IPO13: variants seen among roughly 807,000 people sequenced by gnomAD.
The protein encoded by IPO13 is importin 13, also known as importin-13.
A neutral mutation model predicts 115.5 loss-of-function variants in IPO13; 28 were observed. The observed-to-expected ratio is 0.24, with a 90% confidence interval of 0.18 to 0.33. The LOEUF (loss-of-function observed/expected upper bound fraction) is 0.33. Ranked by LOEUF, IPO13 falls within the 10% of genes least tolerant of loss-of-function variation. The pLI is 1.00. For missense variants in IPO13, 785 were observed against 1,204.6 expected (o/e 0.65, Z 5.16); for synonymous variants, 414 against 478.9 (o/e 0.86, Z 1.77).
Position 43,958,367 on chromosome 1 carries a change from T to C in IPO13, c.1750-94T>C. The C allele has an allele frequency of 1.2e-6, 2 of 1,608,066 alleles. No individual in the cohort carries two copies. ...TGGCCTTCCCCTTCCTCTTATCCCT[T>C]ATTCTCTGTTTTTCTTCTCCCAAGA... On this transcript the variant is annotated intron_variant, in intron 9 of 19. Transcript: ENST00000372343. This position sits in a 1 kb window ranked among gnomAD's most constrained non-coding sequence, Gnocchi z 6.3.
chr1:43,964,036 G>A (rs758229813), intron 14 of IPO13, among the ~76,000 whole-genome samples: 12 of 152,364 alleles, frequency 7.9e-5, no homozygotes, highest in Non-Finnish European at 1.5e-4. Context: ...TGGGGAGTAG[G>A]CGGAAGGCCC....
chr1:43,962,076 C>T (rs1459665745), intron 14 of IPO13, among the ~76,000 whole-genome samples: 1 of 152,204 alleles, frequency 6.6e-6, no homozygotes, highest in African/African-American at 2.4e-5. Flanking sequence ...CACCAGGGGT[C>T]TCGGTTGGTG....
chr1:43,960,977 C>T lies in IPO13; in HGVS notation c.2211C>T (p.Thr737=), dbSNP rs781285457. Residue 737 remains threonine (T), a synonymous_variant, in exon 13 of 20, where the codon ACC becomes ACT. Coordinates refer to ENST00000372343, the MANE Select transcript of IPO13 (RefSeq NM_014652.4). The part of the protein sequence containing the change: ...LCEMLGRMYS[T]IPQASALDLT... ...AGATGCTGGGTCGGATGTACAGCACCATCCCCCAGGCCTCTGCTCTTGACC... is the reference window on the plus strand; with the variant it reads ...AGATGCTGGGTCGGATGTACAGCACTATCCCCCAGGCCTCTGCTCTTGACC... 2.5e-6 allele frequency: 4 copies of T among 1,614,242 alleles called. No homozygotes were observed. In the Admixed American group the frequency reaches 5.0e-5, roughly 20 times the overall value.
chr1:43,967,876 C>T lies in IPO13; in HGVS notation c.*194C>T. On this transcript the variant is annotated 3_prime_UTR_variant, in exon 20 of 20. Transcript: ENST00000372343. This position sits in a 1 kb window ranked among gnomAD's most constrained non-coding sequence, Gnocchi z 6.1. ...CCTTGGGAGGGAATGGTGGGAACAT[C>T]CTCTAGCTCCCAGGTTGGAAGAGAT... 1 of 614,588 alleles carries T rather than the reference C, an allele frequency of 1.6e-6. No homozygotes were observed. The highest frequency in any genetic ancestry group is 2.9e-6 in the Non-Finnish European group (1 of 345,900). The allele number at this position is 614,588 out of a possible 1,614,324, so 38.1% of individuals were successfully genotyped here.
At chr1:43,963,450 A>G (rs2085302981) in intron 14 of IPO13, among the ~76,000 whole-genome samples, 1 of 152,138 alleles carries the variant, frequency 6.6e-6, no homozygotes, top group African/African-American at 2.4e-5. Context: ...CCACTGGACC[A>G]TAGGATGACA....
intron 11 of IPO13, 80 bp from the exon 12 acceptor site, chr1:43,960,169 T>C: frequency 1.2e-5 from 16 of 1,364,042 alleles, no homozygotes; most frequent in Non-Finnish European, 1.6e-5. Context: ...ACTGCTCCCC[T>C]CCTCCCTGCC....
chr1:43,954,716 T>C (rs2085232607), intron 2 of IPO13, among the ~76,000 whole-genome samples: 1 of 152,182 alleles, frequency 6.6e-6, no homozygotes. Context: ...ATCATTGTGT[T>C]TCAGGGCTGT....
In IPO13 at chr1:43,956,491, G is replaced by C; in HGVS notation, c.962+31G>C. The C allele has an allele frequency of 6.2e-7, 1 of 1,614,106 alleles. No homozygotes were observed. The highest frequency in any genetic ancestry group is 1.3e-5 in the African/African-American group (1 of 75,036). On this transcript the variant is annotated intron_variant, in intron 3 of 19. Coordinates refer to ENST00000372343, the MANE Select transcript of IPO13 (RefSeq NM_014652.4). The surrounding 1 kb of genome is among the most constrained non-coding windows in gnomAD (Gnocchi z 4.7). ...GGGTGGAGCAGCTTGGGGTGGGATA[G>C]TAGGGCCCTCTAAGAAATGGGGTTC...
At chr1:43,949,229 A>C (rs1044240840) in intron 1 of IPO13, 188 bp from the exon 2 acceptor site, 1 of 589,572 alleles carries the variant, frequency 1.7e-6, no homozygotes, top group African/African-American at 1.9e-5. Flanking sequence ...AGCATGGGCA[A>C]GGTTCAGGCT....
rs762515877 is a variant in IPO13, at chr1:43,960,879, G to T, written c.2113G>T (p.Val705Leu). The part of the protein sequence containing the change: ...WLNDAQVVEA[V>L]CAIFEKSVKT... The stretch of plus-strand genomic sequence containing the variant: ...GCCCCTTTGCTTTCTTCCCAAGGCG[G>T]TGTGCGCTATCTTTGAGAAGTCTGT... The change falls in exon 13 of 20, where the codon GTG becomes TTG. Residue 705 changes from valine to leucine, a missense_variant. Val to Leu is a conservative substitution (Grantham distance 32, BLOSUM62 1). Around this residue, in one of 3 missense-constraint regions of IPO13, gnomAD observed 285 missense variants for 394.8 expected, o/e 0.72. Transcript: ENST00000372343. The T allele has an allele frequency of 6.2e-7, 1 of 1,614,156 alleles. No individual in the cohort carries two copies. The highest frequency in any genetic ancestry group is 2.2e-5 in the East Asian group (1 of 44,880).
At position 43,958,930 on chromosome 1, in the gene IPO13, C is replaced by T. The variant is rs764850178; in HGVS notation, c.2028+41C>T. On this transcript the variant is annotated intron_variant, in intron 11 of 19. Transcript: ENST00000372343. This position sits in a 1 kb window ranked among gnomAD's most constrained non-coding sequence, Gnocchi z 6.3. ...CCACGGCAAAGACATTTGTCTTTGC[C>T]ATCCCCCCAACCCCCACCTGTGGGA... The T allele has an allele frequency of 1.3e-6, 2 of 1,594,364 alleles. No individual in the cohort carries two copies. The highest frequency in any genetic ancestry group is 1.1e-5 in the South Asian group (1 of 90,296).
chr1:43,947,899 A>G (rs2154301986), intron 1 of IPO13, among the ~76,000 whole-genome samples: 1 of 152,262 alleles, frequency 6.6e-6, no homozygotes, highest in East Asian at 1.9e-4. Context: ...TAGATACTCT[A>G]GGGTCTTGGG....
At chr1:43,955,029 G>A (rs1197646552) in intron 2 of IPO13, among the ~76,000 whole-genome samples, 2 of 152,132 alleles carry the variant, frequency 1.3e-5, no homozygotes, top group African/African-American at 2.4e-5. Flanking sequence ...TAGCTCCACC[G>A]TCTACTTAGT....
At chr1:43,950,238 G>C (rs1411611190) in intron 2 of IPO13, 85 bp downstream of exon 2, 1 of 1,440,676 alleles carries the variant, frequency 6.9e-7, no homozygotes, top group Admixed American at 2.2e-5. Context: ...AACATTAATT[G>C]AATGTGTACT....
In IPO13 at chr1:43,966,682, T is replaced by C. The variant is rs370284861; in HGVS notation, c.2464+41T>C. On this transcript the variant is annotated intron_variant, in intron 16 of 19. Coordinates refer to ENST00000372343, the MANE Select transcript of IPO13 (RefSeq NM_014652.4). This position sits in a 1 kb window ranked among gnomAD's most constrained non-coding sequence, Gnocchi z 4.1. ...TGGACAGGTGGGCCTGGGGCTCCCC[T>C]AGAAGGATCGTTAAACTGATCTGCC... is the stretch of plus-strand genomic sequence containing the variant. The C allele has an allele frequency of 2.9e-4, 471 of 1,614,092 alleles. No homozygotes were observed. The highest frequency in any genetic ancestry group is 3.7e-4 in the Admixed American group (22 of 60,028).
In IPO13 at chr1:43,967,784, C is replaced by A; in HGVS notation, c.*102C>A. On this transcript the variant is annotated 3_prime_UTR_variant, in exon 20 of 20. Coordinates refer to ENST00000372343, the MANE Select transcript of IPO13 (RefSeq NM_014652.4). This position sits in a 1 kb window ranked among gnomAD's most constrained non-coding sequence, Gnocchi z 6.1. Reference sequence around the variant, plus strand: ...GTCTCTGCCTCCTTTCTGCTGTCACCACCACCTAACTGAAAGCCTGGGTCC... The same window carrying A: ...GTCTCTGCCTCCTTTCTGCTGTCACAACCACCTAACTGAAAGCCTGGGTCC... The A allele has an allele frequency of 9.1e-7, 1 of 1,093,700 alleles. No individual in the cohort carries two copies. The highest frequency in any genetic ancestry group is 1.4e-6 in the Non-Finnish European group (1 of 732,592). 67.7% of individuals were successfully genotyped at this position (1,093,700 alleles called of 1,614,324 possible).
intron 2 of IPO13, among the ~76,000 whole-genome samples, chr1:43,954,407 G>A (rs563884147): frequency 2.6e-5 from 4 of 152,264 alleles, no homozygotes; most frequent in African/African-American, 9.6e-5. Flanking sequence ...GCCTCTTTTT[G>A]TCCTTCTCAT....
rs2085217912 is a variant in IPO13 at position 43,952,748 on chromosome 1, A to C, written c.821+2595A>C. ...TAAAATATTGGGTTGATTTTAAAAA[A>C]TAAAAGATTGTTTCGGTATGAGGAT... On this transcript the variant is annotated intron_variant, in intron 2 of 19. Transcript: ENST00000372343. The surrounding 1 kb of genome is among the most constrained non-coding windows in gnomAD (Gnocchi z 4.7). 1.3e-5 allele frequency among the ~76,000 whole-genome samples: 2 copies of C among 152,372 alleles called. 1 individual carries two copies. The highest frequency in any genetic ancestry group is 4.1e-4 in the South Asian group (2 of 4,832).
chr1:43,950,718 C>G (rs1369091216), intron 2 of IPO13, among the ~76,000 whole-genome samples: 1 of 152,232 alleles, frequency 6.6e-6, no homozygotes, highest in African/African-American at 2.4e-5. Flanking sequence ...GCTCTCTACA[C>G]GCTCACACAG....
Sources: gnomAD v4.1 joint callset for allele counts (sites outside exome capture counted in the v4.1 genomes callset) on GRCh38, gnomAD v4.1.1 for gene constraint, gnomAD v4.1.1 regional missense constraint, Gnocchi (gnomAD v3.1) non-coding constraint, MANE v1.5 for transcripts, NCBI Gene and HGNC (gene_info 2026-07-23, HGNC 2026-07-21) for gene names.